The following LOXHD1 variants were observed in gnomAD, a reference collection of about 807,000 sequenced individuals.
The protein encoded by LOXHD1 is lipoxygenase homology domain-containing protein 1.
In LOXHD1, 205 loss-of-function variants were observed where a neutral mutation model predicts 248.2. The observed-to-expected ratio is 0.83, with a 90% CI of 0.74 to 0.93. LOXHD1 has a LOEUF of 0.93. LOXHD1 is among the 40% of genes least tolerant of loss of function. The pLI, the probability that LOXHD1 is intolerant of heterozygous loss-of-function variation, is 0.00. For synonymous variants in LOXHD1, 1,113 were observed against 1,162.8 expected (o/e 0.96, Z 0.87); for missense variants, 2,930 against 2,971.6 (o/e 0.99, Z 0.33).
chr18:46,648,532 C>T (rs1466163105), intron 2 of LOXHD1, among the ~76,000 whole-genome samples: 1 of 152,174 alleles, frequency 6.6e-6, no homozygotes, highest in Admixed American at 6.5e-5. Context: ...AAATTCCAGT[C>T]GTCTGCTAAC....
chr18:46,611,081 A>C (rs2038501400), intron 5 of LOXHD1, among the ~76,000 whole-genome samples, 157 bp from the exon 6 acceptor site: 1 of 152,200 alleles, frequency 6.6e-6, no homozygotes, highest in Non-Finnish European at 1.5e-5. Context: ...CAGTCTCTGA[A>C]CAAGGCAGAG....
intron 37 of LOXHD1, among the ~76,000 whole-genome samples, chr18:46,491,469 C>T (rs1179109111): frequency 1.3e-5 from 2 of 152,198 alleles, no homozygotes; most frequent in African/African-American, 2.4e-5. Context: ...TAGAGCGACA[C>T]CTTGAGAACT....
chr18:46,652,919 G>C (rs939976499), intron 1 of LOXHD1, among the ~76,000 whole-genome samples: 3 of 152,286 alleles, frequency 2.0e-5, no homozygotes. Context: ...AGAAAAGCTA[G>C]ACCCACACAA....
Position 46,521,979 on chromosome 18 carries a change from C to T in LOXHD1, c.5085+122G>A, listed in dbSNP as rs183711372. On this transcript the variant is annotated intron_variant, in intron 32 of 40. Coordinates refer to ENST00000642948, the MANE Select transcript of LOXHD1 (RefSeq NM_001384474.1). The stretch of plus-strand genomic sequence containing the variant: ...CTAGTTGGTTCTTCTCTGCTACCTG[C>T]TCTAAGGGGTGCTGCAGGTAGGCTG... 3.9e-5 allele frequency: 31 copies of T among 790,804 alleles called. No individual in the cohort carries two copies. The African/African-American group carries it at 5.2e-4, about 13-fold the overall frequency. The allele number at this position is 790,804 out of a possible 1,614,324, so 49.0% of individuals were successfully genotyped here.
In LOXHD1 at chr18:46,610,788, C is replaced by A. The variant is rs765436710; in HGVS notation, c.747G>T (p.Trp249Cys). The change falls in exon 6 of 41, where the codon TGG (tryptophan) becomes TGT (cysteine). Residue 249 changes from tryptophan to cysteine, a missense_variant. Physicochemically the swap from Trp to Cys is radical, Grantham distance 215 (BLOSUM62 -2). Coordinates refer to ENST00000642948, the MANE Select transcript of LOXHD1 (RefSeq NM_001384474.1). ...CAGCTGAACTCACCTGGGACAGGAA[C>A]CAACCTGCAGAGCCCCCCTTATTGT... Reference protein sequence around the residue: ...GHNNKGGSAGWFLSQIVIEDI... With the variant: ...GHNNKGGSAGCFLSQIVIEDI... The A allele has an allele frequency of 3.9e-6, 6 of 1,551,142 alleles. No homozygotes were observed. The highest frequency in any genetic ancestry group is 1.2e-5 in the South Asian group (1 of 83,980).
intron 11 of LOXHD1, 98 bp downstream of exon 11, chr18:46,592,400 T>C: frequency 1.9e-6 from 2 of 1,074,620 alleles, no homozygotes; most frequent in African/African-American, 3.2e-5. Context: ...CTATTCACAA[T>C]AAATACAGAG....
intron 4 of LOXHD1, among the ~76,000 whole-genome samples, chr18:46,620,233 G>A (rs2038649006): frequency 6.6e-6 from 1 of 152,208 alleles, no homozygotes; most frequent in South Asian, 2.1e-4. Context: ...GTGCCTCTGA[G>A]AACATTCATT....
chr18:46,576,448 C>T (rs536239281), intron 14 of LOXHD1, among the ~76,000 whole-genome samples: 1 of 152,224 alleles, frequency 6.6e-6, no homozygotes, highest in Admixed American at 6.5e-5. Context: ...ATGAGCCACC[C>T]CTCAGCCCCT....
At chr18:46,634,368 T>A (rs2038865735) in intron 4 of LOXHD1, among the ~76,000 whole-genome samples, 1 of 152,172 alleles carries the variant, frequency 6.6e-6, no homozygotes, top group Admixed American at 6.5e-5. Context: ...CAGTTGGGTA[T>A]CCCTAACACA....
At chr18:46,647,767 G>T (rs1299536235) in intron 2 of LOXHD1, among the ~76,000 whole-genome samples, 17 of 152,194 alleles carry the variant, frequency 1.1e-4, no homozygotes, top group Admixed American at 1.0e-3. Context: ...AGCCCCCAAG[G>T]TACAGGGTGC....
intron 40 of LOXHD1, among the ~76,000 whole-genome samples, chr18:46,479,269 C>T (rs2032335808): frequency 1.2e-5 from 1 of 85,078 alleles, no homozygotes; most frequent in African/African-American, 3.7e-5. Context: ...TGTGTGTGTT[C>T]ATGGACTGCA....
At chr18:46,579,603 T>C (rs1446659335) in intron 13 of LOXHD1, 27 bp downstream of exon 13, 3 of 1,551,608 alleles carry the variant, frequency 1.9e-6, no homozygotes, top group South Asian at 2.4e-5. Flanking sequence ...AGGAAGGGGA[T>C]GAGTGGGGCA....
chr18:46,506,920 T>C (rs929542267), intron 36 of LOXHD1, among the ~76,000 whole-genome samples: 55 of 152,316 alleles, frequency 3.6e-4, no homozygotes, highest in African/African-American at 1.3e-3. Context: ...ACTGCCCCCA[T>C]GCCTGGATGA....
chr18:46,544,851 T>C, intron 23 of LOXHD1: 1 of 471,874 alleles, frequency 2.1e-6, no homozygotes, highest in South Asian at 1.5e-5. Flanking sequence ...CCTGCAGGAT[T>C]TTGAGCAAAT....
intron 4 of LOXHD1, among the ~76,000 whole-genome samples, chr18:46,628,165 C>T (rs1312901037): frequency 6.6e-6 from 1 of 152,210 alleles, no homozygotes; most frequent in African/African-American, 2.4e-5. Context: ...TCCATTTTCT[C>T]CTCTCTGAAA....
chr18:46,505,599 G>A (rs1406623029), intron 37 of LOXHD1, among the ~76,000 whole-genome samples: 1 of 152,166 alleles, frequency 6.6e-6, no homozygotes, highest in Non-Finnish European at 1.5e-5. Context: ...AAACAATGGA[G>A]AACCACTAAT....
intron 10 of LOXHD1, 37 bp from the exon 11 acceptor site, chr18:46,592,621 C>A: frequency 6.6e-7 from 1 of 1,504,144 alleles, no homozygotes; most frequent in Middle Eastern, 1.7e-4. Flanking sequence ...GTGGGCATAA[C>A]TGAAGAAATG....
intron 1 of LOXHD1, among the ~76,000 whole-genome samples, chr18:46,649,593 T>C (rs1326657110): frequency 1.3e-5 from 2 of 152,134 alleles, no homozygotes; most frequent in Non-Finnish European, 2.9e-5. Context: ...AACACACTGA[T>C]ACCCTCCTAG....
intron 38 of LOXHD1, among the ~76,000 whole-genome samples, chr18:46,487,146 C>T (rs140322935): frequency 3.3e-4 from 50 of 152,244 alleles, no homozygotes; most frequent in African/African-American, 8.2e-4. Context: ...TCAGTAGTCA[C>T]GCAAAGGAAG....
Sources: gnomAD v4.1 joint callset for allele counts (sites outside exome capture counted in the v4.1 genomes callset) on GRCh38, gnomAD v4.1.1 for gene constraint, MANE v1.5 for transcripts, NCBI Gene and HGNC (gene_info 2026-07-23, HGNC 2026-07-21) for gene names.